The following SIN3A variants were observed in gnomAD, a reference collection of about 807,000 sequenced individuals.
SIN3A encodes SIN3 transcription regulator family member A, also known as paired amphipathic helix protein Sin3a.
A neutral mutation model predicts 146.1 loss-of-function variants in SIN3A; 14 were observed. That is an observed-to-expected ratio of 0.10 (90% CI 0.06 to 0.15). The LOEUF (loss-of-function observed/expected upper bound fraction) is 0.15, where lower values mean the gene tolerates loss of function less well. SIN3A is among the 10% of genes least tolerant of loss of function. The pLI is 1.00. For missense variants in SIN3A, 1,028 were observed against 1,576.0 expected (o/e 0.65, Z 5.89); for synonymous variants, 572 against 572.0 (o/e 1.00, Z 0.00).
intron 19 of SIN3A, among the ~76,000 whole-genome samples, chr15:75,380,088 C>T (rs374043452): frequency 1.2e-4 from 19 of 152,224 alleles, no homozygotes; most frequent in African/African-American, 4.3e-4. Flanking sequence ...GCTAGGCATA[C>T]AGTGCCTAGA....
chr15:75,380,947 T>G (rs1426025850), intron 18 of SIN3A: 2 of 451,978 alleles, frequency 4.4e-6, no homozygotes, highest in Non-Finnish European at 4.1e-6. Flanking sequence ...GCTAAGGTTA[T>G]GAGAAGTCAT....
At chr15:75,452,931 A>T (rs1022475031), upstream of SIN3A, 1 of 152,242 alleles carries the variant, frequency 6.6e-6, no homozygotes, top group Non-Finnish European at 1.5e-5. Flanking sequence ...TGTGTAGGTA[A>T]CAGTGCCTCG....
chr15:75,381,320 C>G (rs568715834), intron 18 of SIN3A, among the ~76,000 whole-genome samples: 1 of 152,246 alleles, frequency 6.6e-6, no homozygotes, highest in East Asian at 1.9e-4. Context: ...ATGAGAAAGA[C>G]CTCATTTGTT....
At chr15:75,451,072 C>T (rs1253015822) in intron 1 of SIN3A, among the ~76,000 whole-genome samples, 1 of 151,384 alleles carries the variant, frequency 6.6e-6, no homozygotes, top group Non-Finnish European at 1.5e-5. Flanking sequence ...GCCCGAGGCC[C>T]CGCCCACCCC....
intron 1 of SIN3A, among the ~76,000 whole-genome samples, chr15:75,446,720 G>A (rs139386155): frequency 2.3e-3 from 349 of 151,902 alleles, no homozygotes; most frequent in African/African-American, 8.1e-3. Context: ...TCAAACTCCT[G>A]GACTCAAACG....
intron 4 of SIN3A, 89 bp downstream of exon 4, chr15:75,414,116 C>A (rs763649267): frequency 3.3e-5 from 19 of 567,706 alleles, no homozygotes; most frequent in African/African-American, 2.9e-4. Context: ...AAGGAGCATC[C>A]TTTATCTTCC....
chr15:75,445,565 C>T (rs545639657), intron 1 of SIN3A, among the ~76,000 whole-genome samples: 4 of 148,238 alleles, frequency 2.7e-5, no homozygotes, highest in East Asian at 2.0e-4. Flanking sequence ...AGCAAAACTC[C>T]GTCTCAAAAT....
At chr15:75,402,537 A>G (rs2073430373) in intron 9 of SIN3A, among the ~76,000 whole-genome samples, 1 of 152,134 alleles carries the variant, frequency 6.6e-6, no homozygotes, top group Non-Finnish European at 1.5e-5. Flanking sequence ...AAAATAAAAT[A>G]AAAACGGGGA....
chr15:75,421,667 T>C (rs1384900359), intron 3 of SIN3A: 1 of 152,228 alleles, frequency 6.6e-6, no homozygotes, highest in Admixed American at 6.5e-5. Context: ...GCAAGCAACA[T>C]AAGTAGGTTG....
chr15:75,427,649 G>C (rs1408269575), intron 2 of SIN3A, among the ~76,000 whole-genome samples: 15 of 148,512 alleles, frequency 1.0e-4, no homozygotes, highest in Non-Finnish European at 1.5e-5. Flanking sequence ...AACAGACAGA[G>C]AGTCTGTCTC....
Position 75,430,334 on chromosome 15 carries a change from T to G in SIN3A, c.42A>C (p.Ala14=). 1 of 1,614,048 alleles carries G rather than the reference T, an allele frequency of 6.2e-7. No homozygotes were observed. Among genetic ancestry groups the G allele is most frequent in the Non-Finnish European group, 8.5e-7 (1 of 1,179,978 alleles). The change falls in exon 2 of 21, where the codon GCA becomes GCC. Residue 14 remains alanine (A), a synonymous_variant. Coordinates refer to ENST00000394947, the MANE Select transcript of SIN3A (RefSeq NM_001145358.2). ...TGCCAGGGATCCGACGCTGCTGGGC[T>G]GCATACACCGGTGACTCCTGGTCAT... is the stretch of plus-strand genomic sequence containing the variant. ...RLDDQESPVY[A]AQQRRIPGST...
chr15:75,450,637 G>A (rs1159508123), intron 1 of SIN3A, among the ~76,000 whole-genome samples: 3 of 152,236 alleles, frequency 2.0e-5, no homozygotes, highest in Non-Finnish European at 2.9e-5. Context: ...ACGCTGCATG[G>A]AGCAAAGCGG....
rs2073305346 is a variant in SIN3A at position 75,396,436 on chromosome 15, T to G, written c.1915A>C (p.Lys639Gln). The G allele has an allele frequency of 6.2e-7, 1 of 1,614,080 alleles. No individual in the cohort carries two copies. Residue 639 changes from lysine to glutamine, a missense_variant, in exon 13 of 21, where the codon AAG becomes CAG. Physicochemically the swap from Lys to Gln is moderately conservative, Grantham distance 53. Coordinates refer to ENST00000394947, the MANE Select transcript of SIN3A (RefSeq NM_001145358.2). ...TCTTCAGCAGACAAGCGGGAAAGCTTCTTCTGTATTGCTTCCAGAACCCGG... is the reference window on the plus strand; with the variant it reads ...TCTTCAGCAGACAAGCGGGAAAGCTGCTTCTGTATTGCTTCCAGAACCCGG... ...TIRVLEAIQKKLSRLSAEEQA... is the reference protein window; with the variant it reads ...TIRVLEAIQKQLSRLSAEEQA...
intron 12 of SIN3A, among the ~76,000 whole-genome samples, chr15:75,399,418 C>T (rs542679292): frequency 3.8e-4 from 58 of 152,180 alleles, no homozygotes; most frequent in Non-Finnish European, 6.3e-4. Context: ...GTCCCAGCTA[C>T]TCGGGAGGCT....
At chr15:75,442,326 G>C (rs796681478) in intron 1 of SIN3A, among the ~76,000 whole-genome samples, 1 of 149,250 alleles carries the variant, frequency 6.7e-6, no homozygotes, top group Non-Finnish European at 1.5e-5. Context: ...CAGTGGTTTT[G>C]ATTGTTTTTT....
chr15:75,411,741 G>A lies in SIN3A; in HGVS notation c.759C>T (p.Pro253=), dbSNP rs563259665. 10 of 1,580,766 alleles carry A rather than the reference G, an allele frequency of 6.3e-6. No homozygotes were observed. The highest frequency in any genetic ancestry group is 8.6e-6 in the Non-Finnish European group (10 of 1,163,690). ...PQPPPAKVSK[P]SQLQAHTPAS... is the part of the protein sequence containing the mutation. ...CCGGAGTATGTGCTTGCAGTTGGGAGGGCTAGAAAGAAAAGAAATCTTTAT... is the reference window on the plus strand; with the variant it reads ...CCGGAGTATGTGCTTGCAGTTGGGAAGGCTAGAAAGAAAAGAAATCTTTAT... Residue 253 remains proline (P), a splice_region_variant and synonymous_variant, in exon 6 of 21, where the codon CCC becomes CCT. Coordinates refer to ENST00000394947, the MANE Select transcript of SIN3A (RefSeq NM_001145358.2).
chr15:75,442,617 TAAA>T (rs374599694), intron 1 of SIN3A, among the ~76,000 whole-genome samples: 67,798 of 122,496 alleles, frequency 0.55, 18,680 homozygotes, highest in African/African-American at 0.68. Context: ...ATCCCATCTT[TAAA>T]AAAAAAAAAA....
intron 1 of SIN3A, among the ~76,000 whole-genome samples, chr15:75,447,460 G>GA (rs750819391): frequency 5.6e-4 from 85 of 152,278 alleles, no homozygotes; most frequent in Non-Finnish European, 1.0e-3. Context: ...GTCTATGGTA[G>GA]AGGGAGAGAT....
chr15:75,416,407 C>T (rs1173887626), intron 3 of SIN3A, among the ~76,000 whole-genome samples: 2 of 152,164 alleles, frequency 1.3e-5, no homozygotes, highest in East Asian at 3.8e-4. Context: ...CTCACTGTAA[C>T]CTCTGCCTCC....
Sources: allele counts gnomAD v4.1 joint callset (sites outside exome capture counted in the v4.1 genomes callset), GRCh38; gene constraint gnomAD v4.1.1; transcripts MANE v1.5; gene names NCBI Gene and HGNC (gene_info 2026-07-23, HGNC 2026-07-21).